AOPEP: variants seen among roughly 807,000 people sequenced by gnomAD.
The protein encoded by AOPEP is aminopeptidase O (putative).
Under a neutral mutation model 98.1 loss-of-function variants are expected in AOPEP, and 77 were observed. That is an observed-to-expected ratio of 0.78 (90% CI 0.65 to 0.95). AOPEP has a LOEUF of 0.95. Ranked by LOEUF, AOPEP falls within the 40% of genes least tolerant of loss-of-function variation. The pLI, the probability that AOPEP is intolerant of heterozygous loss-of-function variation, is 0.00. For missense variants in AOPEP, 1,024 were observed against 1,024.7 expected (o/e 1.00, Z 0.01); for synonymous variants, 346 against 365.3 (o/e 0.95, Z 0.60).
At chr9:94,896,371 C>T (rs2049563723) in intron 5 of AOPEP, among the ~76,000 whole-genome samples, 1 of 152,184 alleles carries the variant, frequency 6.6e-6, no homozygotes, top group South Asian at 2.1e-4. Context: ...AGATGCTCCC[C>T]TTCCGAGGAG....
intron 13 of AOPEP, among the ~76,000 whole-genome samples, chr9:95,039,008 T>C (rs760630102): frequency 1.3e-5 from 2 of 152,144 alleles, no homozygotes; most frequent in Non-Finnish European, 2.9e-5. Flanking sequence ...AAGCACTGTT[T>C]AGATTCATGT....
intron 5 of AOPEP, among the ~76,000 whole-genome samples, chr9:94,819,617 C>G (rs754356532): frequency 9.2e-5 from 14 of 152,198 alleles, no homozygotes; most frequent in African/African-American, 1.2e-4. Flanking sequence ...CTCTGTCACC[C>G]AGGCTGGAGT....
intron 13 of AOPEP, among the ~76,000 whole-genome samples, chr9:95,047,129 T>C (rs1195194011): frequency 6.6e-6 from 1 of 152,232 alleles, no homozygotes; most frequent in African/African-American, 2.4e-5. Context: ...GGAGATATTT[T>C]AGCTCACATT....
chr9:94,960,134 G>A (rs1397637672), intron 9 of AOPEP, among the ~76,000 whole-genome samples: 6 of 152,010 alleles, frequency 3.9e-5, no homozygotes, highest in Non-Finnish European at 7.4e-5. Flanking sequence ...GGAATTGGCC[G>A]GGCACGGTGG....
downstream of AOPEP, among the ~76,000 whole-genome samples, chr9:95,091,969 G>T (rs947885492): frequency 6.6e-5 from 10 of 152,150 alleles, no homozygotes; most frequent in Admixed American, 5.9e-4. Context: ...TTCTCACATA[G>T]ATCCAGAAGA....
rs141537462 is a variant in AOPEP, at chr9:95,036,398, A to G, written c.2116-24296A>G. Among the ~76,000 whole-genome samples, 595 of 152,354 alleles carry G rather than the reference A, an allele frequency of 3.9e-3. 7 individuals carry two copies. Among genetic ancestry groups the G allele is most frequent in the African/African-American group, 0.014 (577 of 41,584 alleles). On this transcript the variant is annotated intron_variant, in intron 13 of 16. Transcript: ENST00000375315. Reference sequence around the variant, plus strand: ...CTTTGGAAAAAAAATTCCAACTTTTAAACAAATTCCTAATAGTAGTTGCCC... The same window carrying G: ...CTTTGGAAAAAAAATTCCAACTTTTGAACAAATTCCTAATAGTAGTTGCCC...
At chr9:94,808,473 A>C (rs1588319770) in intron 5 of AOPEP, among the ~76,000 whole-genome samples, 1 of 152,222 alleles carries the variant, frequency 6.6e-6, no homozygotes, top group East Asian at 1.9e-4. Context: ...GGTACATTGC[A>C]CAAATCCGCC....
the AOPEP span, among the ~76,000 whole-genome samples, chr9:95,138,331 C>T: frequency 6.6e-6 from 1 of 152,220 alleles, no homozygotes. Context: ...CGTGCCTGTG[C>T]TTATGCCCCT....
intron 5 of AOPEP, among the ~76,000 whole-genome samples, chr9:94,908,860 A>G (rs2051571065): frequency 6.6e-6 from 1 of 152,252 alleles, no homozygotes; most frequent in Admixed American, 6.5e-5. Flanking sequence ...GAGTGCTGCA[A>G]ATCTCGTCAC....
intron 3 of AOPEP, among the ~76,000 whole-genome samples, chr9:94,783,558 A>G (rs1441994034): frequency 1.3e-5 from 2 of 152,016 alleles, no homozygotes; most frequent in Non-Finnish European, 2.9e-5. Flanking sequence ...GGCATCTGCA[A>G]AGTCCTGACA....
In AOPEP at chr9:94,943,919, C is replaced by CAAAAAA. The variant is rs775807087; in HGVS notation, c.1662-11235_1662-11230dup. Among the ~76,000 whole-genome samples, 4 of 17,414 alleles carry CAAAAAA rather than the reference C, an allele frequency of 2.3e-4. No homozygotes were observed. The East Asian group carries it at 0.014, about 60-fold the overall frequency. 11.4% of individuals were successfully genotyped at this position (17,414 alleles called of 152,430 possible). A position where few individuals can be genotyped will look rare whatever the true frequency, so the allele number is the denominator to read the frequency against. ...TGGGCAACAGAGTGAGACTCCATCT[C>CAAAAAA]AAAAAAAAAAAAAAAAAAAAAAAAA... On this transcript the variant is annotated intron_variant, in intron 7 of 16. Coordinates refer to ENST00000375315, the MANE Select transcript of AOPEP (RefSeq NM_001193329.3).
At chr9:94,875,573 G>T (rs951794620) in intron 5 of AOPEP, among the ~76,000 whole-genome samples, 1 of 152,180 alleles carries the variant, frequency 6.6e-6, no homozygotes, top group Admixed American at 6.5e-5. Flanking sequence ...ACCTGTGAGT[G>T]GTTGAAGTAA....
intron 5 of AOPEP, among the ~76,000 whole-genome samples, chr9:94,880,354 TTTTTCTTTTTTTC>T (rs920941624): frequency 2.6e-5 from 4 of 151,628 alleles, no homozygotes; most frequent in African/African-American, 4.8e-5. Flanking sequence ...TTTCTTTTTC[TTTTTCTTTTTTTC>T]TTTTCTTTTT....
intron 3 of AOPEP, among the ~76,000 whole-genome samples, chr9:94,778,802 C>T (rs894779419): frequency 1.3e-5 from 2 of 151,980 alleles, no homozygotes; most frequent in African/African-American, 4.8e-5. Context: ...CCAAGATGGG[C>T]GGATCACTTG....
chr9:94,916,710 TTAAATAAATAAA>T (rs72185513), intron 5 of AOPEP, among the ~76,000 whole-genome samples: 1 of 143,088 alleles, frequency 7.0e-6, no homozygotes, highest in African/African-American at 2.8e-5. Context: ...AAAAAAAAAA[TTAAATAAATAAA>T]TAAATAAATA....
Position 94,760,147 on chromosome 9 carries a change from G to A in AOPEP, c.364G>A (p.Ala122Thr). The A allele has an allele frequency of 3.7e-6, 6 of 1,614,182 alleles. No homozygotes were observed. Among genetic ancestry groups the A allele is most frequent in the Non-Finnish European group, 4.2e-6 (5 of 1,180,026 alleles). The change falls in exon 2 of 17, where the codon GCT becomes ACT. Residue 122 changes from alanine (A) to threonine (T), a missense_variant. Coordinates refer to ENST00000375315, the MANE Select transcript of AOPEP (RefSeq NM_001193329.3). ...TGGTAACCATGACAACCAGGAACAT[G>A]CTTCTGGGATTTCTAGCTCAAAGTA... ...KDGNHDNQEH[A>T]SGISSSKYCC...
At chr9:95,004,672 C>T (rs897554446) in intron 11 of AOPEP, among the ~76,000 whole-genome samples, 17 of 151,156 alleles carry the variant, frequency 1.1e-4, no homozygotes, top group Non-Finnish European at 1.6e-4. Flanking sequence ...GGGCCCCTCT[C>T]GCTGCCGGGA....
chr9:95,071,333 A>G (rs2068488605), intron 14 of AOPEP, among the ~76,000 whole-genome samples: 1 of 134,266 alleles, frequency 7.4e-6, no homozygotes, highest in Admixed American at 8.4e-5. Flanking sequence ...AGCATTTCAG[A>G]TTTCGGATTT....
In AOPEP at chr9:94,980,287, C is replaced by T. The variant is rs1327095770; in HGVS notation, c.1977+860C>T. Among the ~76,000 whole-genome samples, 1 of 152,232 alleles carries T rather than the reference C, an allele frequency of 6.6e-6. No homozygotes were observed. The highest frequency in any genetic ancestry group is 6.5e-5 in the Admixed American group (1 of 15,286). On this transcript the variant is annotated intron_variant, in intron 11 of 16. Coordinates refer to ENST00000375315, the MANE Select transcript of AOPEP (RefSeq NM_001193329.3). The surrounding 1 kb of genome is among the most constrained non-coding windows in gnomAD (Gnocchi z 4.3). ...CAGAGGACCCTGCAGGCTGGGAGCT[C>T]TCTCAGTCTGGGGCAGCCCCCAGAG...
Sources: gnomAD v4.1 joint callset for allele counts (sites outside exome capture counted in the v4.1 genomes callset) on GRCh38, gnomAD v4.1.1 for gene constraint, Gnocchi (gnomAD v3.1) non-coding constraint, MANE v1.5 for transcripts, NCBI Gene and HGNC (gene_info 2026-07-23, HGNC 2026-07-21) for gene names.